The following EWSR1 variants were observed in gnomAD, a reference collection of about 807,000 sequenced individuals.
EWSR1 encodes the protein EWS RNA binding protein 1.
A neutral mutation model predicts 92.1 loss-of-function variants in EWSR1; 14 were observed. The ratio of observed to expected loss-of-function variants is 0.15; its 90% CI spans 0.10 to 0.24. The LOEUF (loss-of-function observed/expected upper bound fraction) is 0.24. EWSR1 is among the 10% of genes least tolerant of loss of function. The probability of loss-of-function intolerance (pLI) is 1.00; values close to 1 mark genes in which losing one functional copy is unlikely to be tolerated. For missense variants in EWSR1, 637 were observed against 870.9 expected (o/e 0.73, Z 3.38); for synonymous variants, 303 against 292.9 (o/e 1.03, Z -0.35).
chr22:29,289,222 A>G (rs1199727160), intron 8 of EWSR1: 1 of 234,922 alleles, frequency 4.3e-6, no homozygotes, highest in Non-Finnish European at 8.4e-6. Context: ...GTTTGTCCCC[A>G]ACTTCTGTTT....
At position 29,291,609 on chromosome 22, in the gene EWSR1, T is replaced by C. The variant is rs756631245; in HGVS notation, c.1012+10T>C. On this transcript the variant is annotated intron_variant, in intron 9 of 16. Coordinates refer to ENST00000397938, the MANE Select transcript of EWSR1 (RefSeq NM_005243.4). ...TTCAATAAGCCTGGTGGTAAGTTTT[T>C]GAGTATTACCATAGATAGTGTTTAA... The C allele has an allele frequency of 1.4e-5, 22 of 1,612,602 alleles. 1 individual carries two copies. The South Asian group carries it at 2.3e-4, about 17-fold the overall frequency.
chr22:29,285,483 T>A (rs2059955669), intron 6 of EWSR1, among the ~76,000 whole-genome samples: 1 of 151,424 alleles, frequency 6.6e-6, no homozygotes, highest in Non-Finnish European at 1.5e-5. Flanking sequence ...TTCTCCCATG[T>A]AATTGACATA....
chr22:29,292,864 C>T (rs959335759), intron 11 of EWSR1, among the ~76,000 whole-genome samples: 26 of 149,100 alleles, frequency 1.7e-4, no homozygotes, highest in African/African-American at 2.2e-4. Context: ...TCAAGCGAAT[C>T]TCCTGCCTCA....
intron 13 of EWSR1, 111 bp downstream of exon 13, chr22:29,298,060 A>G (rs1402695597): frequency 7.4e-6 from 9 of 1,214,914 alleles, no homozygotes; most frequent in Admixed American, 7.0e-5. Context: ...TAGAGTCAAT[A>G]CTAGACTATC....
At chr22:29,281,032 A>G (rs1017758215) in intron 5 of EWSR1, among the ~76,000 whole-genome samples, 1 of 151,614 alleles carries the variant, frequency 6.6e-6, no homozygotes, top group African/African-American at 2.4e-5. Flanking sequence ...GGCACCCACC[A>G]TGATGCCTGG....
intron 6 of EWSR1, among the ~76,000 whole-genome samples, chr22:29,286,459 T>C (rs2060040516): frequency 6.6e-6 from 1 of 151,548 alleles, no homozygotes; most frequent in Non-Finnish European, 1.5e-5. Context: ...GAGGCCGAGG[T>C]GGGCGGATCA....
At chr22:29,269,583 C>T (rs1194529299) in intron 1 of EWSR1, 2 of 152,238 alleles carry the variant, frequency 1.3e-5, no homozygotes, top group Admixed American at 6.5e-5. Flanking sequence ...AAGTTCTGGG[C>T]ACTCCAGAGT....
intron 7 of EWSR1, among the ~76,000 whole-genome samples, chr22:29,287,567 G>T (rs923576288): frequency 1.3e-5 from 2 of 152,116 alleles, no homozygotes; most frequent in Admixed American, 1.3e-4. Flanking sequence ...TTGGAATCCA[G>T]GACACATCTT....
intron 4 of EWSR1, chr22:29,274,182 G>A: frequency 7.0e-7 from 1 of 1,426,738 alleles, no homozygotes; most frequent in South Asian, 1.1e-5. Flanking sequence ...CTTAAATTGA[G>A]CTGCTTAAAA....
At chr22:29,284,415 A>G (rs4823028) in intron 6 of EWSR1, among the ~76,000 whole-genome samples, 22 of 151,422 alleles carry the variant, frequency 1.5e-4, no homozygotes, top group Middle Eastern at 6.3e-3. Context: ...GAACAGGTTT[A>G]GGAACAAGTA....
chr22:29,269,933 G>A (rs1417119523), intron 1 of EWSR1, among the ~76,000 whole-genome samples: 1 of 152,226 alleles, frequency 6.6e-6, no homozygotes, highest in Non-Finnish European at 1.5e-5. Context: ...AATTACAGTT[G>A]TGGTTTCTGT....
Position 29,296,271 on chromosome 22 carries a change from C to T in EWSR1, c.1197C>T (p.His399=), listed in dbSNP as rs1343091966. ...MNKRTGQPMI[H]IYLDKETGKP... The stretch of plus-strand genomic sequence containing the variant: ...AGAGAACTGGGCAACCCATGATCCA[C>T]ATCTACCTGGACAAGGAAACAGGAA... The change falls in exon 12 of 17, where the codon CAC becomes CAT. Residue 399 remains histidine, a synonymous_variant. Coordinates refer to ENST00000397938, the MANE Select transcript of EWSR1 (RefSeq NM_005243.4). 1.9e-6 allele frequency: 3 copies of T among 1,614,198 alleles called. No homozygotes were observed. Among genetic ancestry groups the T allele is most frequent in the African/African-American group, 2.7e-5 (2 of 75,068 alleles).
rs958638495 is a variant in EWSR1 at position 29,297,814 on chromosome 22, TGTC to T, written c.1295-12_1295-10del. ...TACAGGGGAGTAATTGATGTTCTGT[TGTC>T]TTGTTCCAGGGAAAGATTTTCAAGG... On this transcript the variant is annotated splice_polypyrimidine_tract_variant and intron_variant, in intron 12 of 16. Transcript: ENST00000397938. The T allele has an allele frequency of 1.1e-5, 17 of 1,613,562 alleles. No individual in the cohort carries two copies. The Admixed American group carries it at 1.8e-4, about 17-fold the overall frequency.
intron 5 of EWSR1, among the ~76,000 whole-genome samples, chr22:29,281,204 G>A (rs909081054): frequency 2.0e-5 from 3 of 151,834 alleles, no homozygotes; most frequent in African/African-American, 7.3e-5. Context: ...TAGTAGAGAC[G>A]GGGTTTCTCC....
intron 6 of EWSR1, among the ~76,000 whole-genome samples, chr22:29,286,300 A>C (rs2060025826): frequency 6.7e-6 from 1 of 150,250 alleles, no homozygotes; most frequent in African/African-American, 2.4e-5. Flanking sequence ...TACAGGCATG[A>C]GCCTCCGCTC....
At chr22:29,269,533 C>T (rs190169253) in intron 1 of EWSR1, 1 of 152,246 alleles carries the variant, frequency 6.6e-6, no homozygotes, top group East Asian at 1.9e-4. Context: ...TGGTTCCAGG[C>T]CTTAGAGACA....
chr22:29,288,910 C>A, intron 8 of EWSR1, 124 bp downstream of exon 8: 1 of 920,178 alleles, frequency 1.1e-6, no homozygotes, highest in Non-Finnish European at 1.6e-6. Flanking sequence ...CTGTTGAGCT[C>A]AAGCCATCTT....
intron 15 of EWSR1, 127 bp from the exon 16 acceptor site, chr22:29,299,472 T>A (rs2061165613): frequency 6.7e-7 from 1 of 1,486,240 alleles, no homozygotes; most frequent in African/African-American, 1.4e-5. Context: ...GTCAGCCCGA[T>A]GCCGAGATTG....
chr22:29,270,270 ATCC>A (rs2058566168), intron 1 of EWSR1, among the ~76,000 whole-genome samples: 1 of 152,176 alleles, frequency 6.6e-6, no homozygotes, highest in African/African-American at 2.4e-5. Flanking sequence ...AAGCATATAT[ATCC>A]AGTGCAACAA....
Sources: allele counts gnomAD v4.1 joint callset (sites outside exome capture counted in the v4.1 genomes callset), GRCh38; gene constraint gnomAD v4.1.1; transcripts MANE v1.5; gene names NCBI Gene and HGNC (gene_info 2026-07-23, HGNC 2026-07-21).